The following CDK13 variants were observed in gnomAD, a reference collection of about 807,000 sequenced individuals.
CDK13 encodes cyclin-dependent kinase 13.
Under a neutral mutation model 137.6 loss-of-function variants are expected in CDK13, and 40 were observed. The observed-to-expected ratio is 0.29, with a 90% CI of 0.23 to 0.38. The LOEUF is 0.38. CDK13 is among the 10% of genes least tolerant of loss of function. The probability of loss-of-function intolerance (pLI) is 1.00; values close to 1 mark genes in which losing one functional copy is unlikely to be tolerated. For synonymous variants in CDK13, 869 were observed against 760.1 expected, an observed-to-expected ratio of 1.14 and a Z score of -2.36; for missense variants, 1,704 against 1,951.8, an observed-to-expected ratio of 0.87 and a Z score of 2.39.
intron 11 of CDK13, among the ~76,000 whole-genome samples, chr7:40,083,896 A>G (rs188672135): frequency 3.9e-5 from 6 of 152,340 alleles, no homozygotes; most frequent in Admixed American, 3.3e-4. Context: ...ATTTTGCAAT[A>G]TGATATAATG....
intron 9 of CDK13, among the ~76,000 whole-genome samples, chr7:40,064,697 C>T (rs894758488): frequency 6.6e-6 from 1 of 151,810 alleles, no homozygotes; most frequent in Non-Finnish European, 1.5e-5. Flanking sequence ...TCCAAAGCAG[C>T]CAGTTGCCTC....
chr7:40,018,071 C>A (rs1186616621), intron 5 of CDK13, among the ~76,000 whole-genome samples: 1 of 151,430 alleles, frequency 6.6e-6, no homozygotes, highest in Admixed American at 6.6e-5. Context: ...CCTTCTCTTT[C>A]CCCTTTAAAA....
intron 1 of CDK13, among the ~76,000 whole-genome samples, chr7:39,964,240 A>G (rs916726274): frequency 6.6e-6 from 1 of 152,160 alleles, no homozygotes; most frequent in African/African-American, 2.4e-5. Flanking sequence ...CTGTGAATCC[A>G]TGTGGTCCTG....
intron 1 of CDK13, among the ~76,000 whole-genome samples, chr7:39,972,802 T>C (rs931821214): frequency 3.3e-5 from 5 of 152,226 alleles, no homozygotes; most frequent in Non-Finnish European, 7.3e-5. Context: ...TGTTTTTCTC[T>C]TGAGCATATA....
intron 7 of CDK13, among the ~76,000 whole-genome samples, chr7:40,059,934 C>T (rs1786104706): frequency 1.3e-5 from 2 of 152,084 alleles, no homozygotes; most frequent in South Asian, 4.1e-4. Context: ...GTTCTTATTT[C>T]TTGTCTAACA....
intron 7 of CDK13, among the ~76,000 whole-genome samples, chr7:40,053,772 GAAA>G (rs1321720923): frequency 2.0e-5 from 3 of 148,430 alleles, no homozygotes; most frequent in Admixed American, 2.0e-4. Context: ...TTTTTTTTAA[GAAA>G]AAGAAGGGAA....
At chr7:40,020,031 A>G (rs756626791) in intron 5 of CDK13, among the ~76,000 whole-genome samples, 6 of 152,142 alleles carry the variant, frequency 3.9e-5, no homozygotes, top group Admixed American at 1.3e-4. Context: ...GAATTTTACA[A>G]TATGTTCTAG....
At chr7:40,082,900 A>C (rs2150539593) in intron 11 of CDK13, among the ~76,000 whole-genome samples, 1 of 151,262 alleles carries the variant, frequency 6.6e-6, no homozygotes, top group African/African-American at 2.4e-5. Context: ...CATGAGTTTG[A>C]GACCAATCTG....
intron 2 of CDK13, among the ~76,000 whole-genome samples, chr7:39,994,294 T>C (rs1357282236): frequency 6.6e-6 from 1 of 152,152 alleles, no homozygotes; most frequent in Non-Finnish European, 1.5e-5. Context: ...TTGGTTTTGG[T>C]TATTGTGTAA....
At chr7:39,961,367 A>G (rs1583910379) in intron 1 of CDK13, among the ~76,000 whole-genome samples, 1 of 152,306 alleles carries the variant, frequency 6.6e-6, no homozygotes, top group South Asian at 2.1e-4. Flanking sequence ...TCAAACAAAA[A>G]AACTACTGTT....
intron 5 of CDK13, among the ~76,000 whole-genome samples, chr7:40,012,047 TATTA>T (rs1440488629): frequency 6.6e-6 from 1 of 152,100 alleles, no homozygotes; most frequent in Non-Finnish European, 1.5e-5. Context: ...ACAACTTAGT[TATTA>T]GGGAAGTGCA....
chr7:40,093,224 C>G lies in CDK13; in HGVS notation c.3675C>G (p.Ser1225Arg). ...SLQLRPPPEP[S>R]TPVSGQDDLI... is the part of the protein sequence containing the mutation. The stretch of plus-strand genomic sequence containing the variant: ...AACTCAGGCCACCTCCAGAACCTAG[C>G]ACTCCGGTGTCGGGTAAGTGTGCAG... Residue 1225 changes from serine to arginine, a missense_variant, in exon 13 of 14, where the codon AGC becomes AGG. By Grantham distance (110) the Ser-to-Arg change is moderately radical. Around this residue, in one of 5 missense-constraint regions of CDK13, gnomAD observed 475 missense variants for 579.3 expected, o/e 0.82. Coordinates refer to ENST00000181839, the MANE Select transcript of CDK13 (RefSeq NM_003718.5). The G allele has an allele frequency of 6.2e-7, 1 of 1,611,928 alleles. No individual in the cohort carries two copies. Among genetic ancestry groups the G allele is most frequent in the Non-Finnish European group, 8.5e-7 (1 of 1,179,022 alleles).
intron 5 of CDK13, among the ~76,000 whole-genome samples, chr7:40,017,116 T>A (rs1785020797): frequency 6.6e-6 from 1 of 152,152 alleles, no homozygotes; most frequent in South Asian, 2.1e-4. Flanking sequence ...TATTTTTATA[T>A]GCCATGATAT....
Position 39,997,487 on chromosome 7 carries a change from C to G in CDK13, c.1872-7C>G. Reference sequence around the variant, plus strand: ...TGTTTTATTTGTCTGACTTCTTTCACTTTCAGCTTACGAGGAAATATTTCA... The same window carrying G: ...TGTTTTATTTGTCTGACTTCTTTCAGTTTCAGCTTACGAGGAAATATTTCA... On this transcript the variant is annotated splice_polypyrimidine_tract_variant and splice_region_variant and intron_variant, in intron 2 of 13. Coordinates refer to ENST00000181839, the MANE Select transcript of CDK13 (RefSeq NM_003718.5). The G allele has an allele frequency of 6.3e-7, 1 of 1,587,316 alleles. No homozygotes were observed. The highest frequency in any genetic ancestry group is 8.5e-7 in the Non-Finnish European group (1 of 1,173,590).
intron 11 of CDK13, among the ~76,000 whole-genome samples, chr7:40,081,759 T>A (rs993945160): frequency 6.6e-6 from 1 of 152,140 alleles, no homozygotes; most frequent in African/African-American, 2.4e-5. Context: ...ATTACAGGCA[T>A]GCGCTACCAC....
At chr7:40,046,150 T>C (rs1192999640) in intron 6 of CDK13, 125 bp downstream of exon 6, 3 of 620,936 alleles carry the variant, frequency 4.8e-6, no homozygotes, top group Non-Finnish European at 8.3e-6. Flanking sequence ...AGTTACCTAT[T>C]AGGTACAGTG....
intron 2 of CDK13, among the ~76,000 whole-genome samples, chr7:39,995,030 C>T (rs1025996016): frequency 6.6e-6 from 1 of 151,668 alleles, no homozygotes; most frequent in Non-Finnish European, 1.5e-5. Context: ...TCTTTTCATT[C>T]GTTCAGATCT....
intron 1 of CDK13, among the ~76,000 whole-genome samples, chr7:39,958,253 A>T (rs751801596): frequency 2.0e-5 from 3 of 152,178 alleles, no homozygotes; most frequent in Non-Finnish European, 2.9e-5. Context: ...TCAGTTGCAT[A>T]GGGGCACTTT....
Position 40,095,045 on chromosome 7 carries a change from C to G in CDK13, c.*65C>G. On this transcript the variant is annotated 3_prime_UTR_variant, in exon 14 of 14. Transcript: ENST00000181839. Reference sequence around the variant, plus strand: ...AGACTTTTCTAGCTGCAATTTAAGGCAGCAATCCAAGAGACTTGAATAATA... The same window carrying G: ...AGACTTTTCTAGCTGCAATTTAAGGGAGCAATCCAAGAGACTTGAATAATA... 7.7e-7 allele frequency: 1 copy of G among 1,294,932 alleles called. No individual in the cohort carries two copies. 80.2% of individuals were successfully genotyped at this position (1,294,932 alleles called of 1,614,324 possible).
Sources: allele counts gnomAD v4.1 joint callset (sites outside exome capture counted in the v4.1 genomes callset), GRCh38; gene constraint gnomAD v4.1.1; regional missense constraint gnomAD v4.1.1; transcripts MANE v1.5; gene names NCBI Gene and HGNC (gene_info 2026-07-23, HGNC 2026-07-21).